DMD: variants seen among roughly 807,000 people sequenced by gnomAD.
DMD encodes mutant dystrophin.
Under a neutral mutation model 330.1 loss-of-function variants are expected in DMD, and 63 were observed. The ratio of observed to expected loss-of-function variants is 0.19; its 90% CI spans 0.16 to 0.24. The LOEUF is 0.24. Among genes scored for constraint, DMD ranks in the 10% least tolerant of loss-of-function variants. DMD has a pLI of 1.00. For missense variants in DMD, 3,344 were observed against 2,684.1 expected (o/e 1.25, Z -5.43); for synonymous variants, 1,223 against 959.8 (o/e 1.27, Z -5.07).
At chrX:31,635,900 G>T (rs1175464226) in intron 54 of DMD, among the ~76,000 whole-genome samples, 14 of 111,778 alleles carry the variant, frequency 1.3e-4, no homozygotes, top group African/African-American at 4.2e-4. Flanking sequence ...ACCACAAGGA[G>T]ATACCATCAC....
chrX:33,071,141 A>G (rs2148160163), intron 1 of DMD, among the ~76,000 whole-genome samples: 1 of 111,405 alleles, frequency 9.0e-6, no homozygotes, highest in South Asian at 3.8e-4. Flanking sequence ...CTTTGTGCTC[A>G]GTTTCCTTTT....
At chrX:32,679,901 A>ATTT (rs1569447513) in intron 9 of DMD, among the ~76,000 whole-genome samples, 52 of 30,951 alleles carry the variant, frequency 1.7e-3, no homozygotes, top group African/African-American at 6.2e-3. Context: ...TAATATTTGT[A>ATTT]CTTTTTTTTT....
At chrX:32,614,677 T>C (rs1176909768) in intron 11 of DMD, among the ~76,000 whole-genome samples, 1 of 111,413 alleles carries the variant, frequency 9.0e-6, no homozygotes, top group Non-Finnish European at 1.9e-5. Context: ...AACTTTCACA[T>C]AGTCAACTAA....
At chrX:32,492,717 A>G (rs2043124310) in intron 19 of DMD, among the ~76,000 whole-genome samples, 1 of 112,649 alleles carries the variant, frequency 8.9e-6, no homozygotes, top group South Asian at 3.6e-4. Flanking sequence ...TTATTAGCTT[A>G]TATAGTTTTC....
chrX:31,901,428 C>T (rs963657146), intron 47 of DMD, among the ~76,000 whole-genome samples: 1 of 111,513 alleles, frequency 9.0e-6, no homozygotes, highest in African/African-American at 3.3e-5. Flanking sequence ...TACATGAGGG[C>T]CTTCTTTTGT....
intron 4 of DMD, among the ~76,000 whole-genome samples, chrX:32,829,638 A>G (rs1309369224): frequency 8.9e-6 from 1 of 111,741 alleles, no homozygotes; most frequent in Non-Finnish European, 1.9e-5. Context: ...CAATTTCTTA[A>G]GATGCATACT....
chrX:31,302,746 AAC>A (rs1181587549), intron 62 of DMD, among the ~76,000 whole-genome samples: 2 of 111,321 alleles, frequency 1.8e-5, no homozygotes, highest in African/African-American at 6.5e-5. Flanking sequence ...CAGATTAAGT[AAC>A]AGTTTGGTGC....
intron 1 of DMD, among the ~76,000 whole-genome samples, chrX:33,032,277 C>T (rs1463532541): frequency 8.9e-6 from 1 of 112,016 alleles, no homozygotes; most frequent in East Asian, 2.8e-4. Context: ...GCCTCTGTTC[C>T]TAAAAGGAGA....
intron 44 of DMD, among the ~76,000 whole-genome samples, chrX:32,141,023 T>C (rs1463436291): frequency 1.8e-5 from 2 of 111,553 alleles, no homozygotes; most frequent in African/African-American, 3.3e-5. Flanking sequence ...TTTGAGAAGT[T>C]TATAGTTAAA....
intron 1 of DMD, among the ~76,000 whole-genome samples, chrX:33,333,678 T>C (rs1252329425): frequency 1.8e-5 from 2 of 111,387 alleles, no homozygotes; most frequent in Non-Finnish European, 3.8e-5. Flanking sequence ...CTCAGCTTTA[T>C]GCTTAGAATT....
chrX:32,769,521 T>C (rs1426857162), intron 7 of DMD, among the ~76,000 whole-genome samples: 5 of 112,107 alleles, frequency 4.5e-5, no homozygotes, highest in Non-Finnish European at 9.4e-5. Context: ...CTGGGCTACA[T>C]ATAAACTATT....
intron 2 of DMD, among the ~76,000 whole-genome samples, chrX:32,915,327 G>A (rs1347578136): frequency 9.0e-6 from 1 of 111,435 alleles, no homozygotes; most frequent in Non-Finnish European, 1.9e-5. Context: ...GAATTATTTT[G>A]CATTGATTTT....
At position 31,428,845 on chromosome X, in the gene DMD, G is replaced by A. The variant is rs148731845; in HGVS notation, c.9084+15636C>T. Among the ~76,000 whole-genome samples the A allele has an allele frequency of 2.6e-3, 296 of 112,358 alleles. 2 individuals carry two copies. Among genetic ancestry groups the A allele is most frequent in the African/African-American group, 9.1e-3 (283 of 30,956 alleles). On this transcript the variant is annotated intron_variant, in intron 60 of 78. Transcript: ENST00000357033. ...ACAATTTAAAAAAGTATATTAGGCC[G>A]GGAGTGGTGGCTCATGCCTGTAATC...
chrX:32,172,813 A>G (rs2096892517), intron 44 of DMD, among the ~76,000 whole-genome samples: 2 of 111,792 alleles, frequency 1.8e-5, no homozygotes, highest in African/African-American at 3.3e-5. Context: ...ATAAAATTGA[A>G]TTCAGCTGAA....
chrX:32,551,950 A>G, intron 16 of DMD, among the ~76,000 whole-genome samples: 1 of 112,374 alleles, frequency 8.9e-6, no homozygotes, highest in Middle Eastern at 4.6e-3. Context: ...ACTGAGAATT[A>G]CAAAATATTG....
chrX:32,429,621 G>C (rs750191497), intron 29 of DMD, among the ~76,000 whole-genome samples: 22 of 106,002 alleles, frequency 2.1e-4, no homozygotes, highest in Admixed American at 1.0e-4. Context: ...CTTCTTTCTT[G>C]CTTTACTGCG....
intron 45 of DMD, among the ~76,000 whole-genome samples, chrX:31,959,595 A>T (rs1342101412): frequency 9.0e-6 from 1 of 110,982 alleles, no homozygotes; most frequent in Non-Finnish European, 1.9e-5. Flanking sequence ...TTTGCATAAA[A>T]CACTTCTACA....
At chrX:31,809,225 A>G (rs1282905204) in intron 50 of DMD, among the ~76,000 whole-genome samples, 1 of 106,481 alleles carries the variant, frequency 9.4e-6, no homozygotes, top group Non-Finnish European at 1.9e-5. Flanking sequence ...ATAGTTTCCT[A>G]TATAAAAACT....
chrX:32,850,741 C>T (rs2081072103), intron 2 of DMD, among the ~76,000 whole-genome samples: 1 of 111,771 alleles, frequency 8.9e-6, no homozygotes, highest in Admixed American at 9.5e-5. Context: ...TTCACCAAAT[C>T]GTTTTCTGCT....
Sources: allele counts gnomAD v4.1 joint callset (sites outside exome capture counted in the v4.1 genomes callset), GRCh38; gene constraint gnomAD v4.1.1; transcripts MANE v1.5; gene names NCBI Gene and HGNC (gene_info 2026-07-23, HGNC 2026-07-21).